The following SLC71A2 variants were observed in gnomAD, a reference collection of about 807,000 sequenced individuals.
The protein encoded by SLC71A2 is hippocampus abundant transcript-like 1.
At chr9:94,410,183 A>G in the SLC71A2 span, among the ~76,000 whole-genome samples, 9 of 151,076 alleles carry the variant, frequency 6.0e-5, no homozygotes, top group African/African-American at 2.2e-4. Context: ...GTAGCCTTAA[A>G]CTCCTGCACT....
the SLC71A2 span, among the ~76,000 whole-genome samples, chr9:94,399,608 A>G: frequency 0.1 from 15,797 of 152,184 alleles, 1,473 homozygotes; most frequent in East Asian, 0.35. Context: ...GGCTTCCACC[A>G]TCTGCCATCC....
the SLC71A2 span, among the ~76,000 whole-genome samples, chr9:94,418,008 C>G: frequency 6.6e-6 from 1 of 151,920 alleles, no homozygotes; most frequent in East Asian, 1.9e-4. Flanking sequence ...AGGCTTGTGC[C>G]ACCACGCCCG....
the SLC71A2 span, chr9:94,440,874 C>T: frequency 3.4e-6 from 2 of 592,652 alleles, no homozygotes; most frequent in Non-Finnish European, 6.0e-6. Flanking sequence ...CATACATATA[C>T]AAGTATACTT....
the SLC71A2 span, among the ~76,000 whole-genome samples, chr9:94,409,048 TG>T: frequency 6.6e-6 from 1 of 151,320 alleles, no homozygotes; most frequent in Non-Finnish European, 1.5e-5. Context: ...TTAGCCAGGA[TG>T]GTCTCGACCT....
chr9:94,419,155 C>G, the SLC71A2 span, among the ~76,000 whole-genome samples: 2 of 151,696 alleles, frequency 1.3e-5, no homozygotes, highest in South Asian at 4.2e-4. Context: ...GCCCTGTTGC[C>G]TAGGCTGAAA....
At chr9:94,421,458 T>C in the SLC71A2 span, among the ~76,000 whole-genome samples, 2 of 152,190 alleles carry the variant, frequency 1.3e-5, no homozygotes, top group African/African-American at 4.8e-5. Context: ...ATGTATACTC[T>C]TTGTTGTCTG....
At chr9:94,436,024 T>G in the SLC71A2 span, among the ~76,000 whole-genome samples, 1 of 152,218 alleles carries the variant, frequency 6.6e-6, no homozygotes, top group South Asian at 2.1e-4. Flanking sequence ...TTCTACCTGT[T>G]AGGCCACTCA....
chr9:94,431,202 A>G, the SLC71A2 span, among the ~76,000 whole-genome samples: 6 of 152,064 alleles, frequency 3.9e-5, no homozygotes, highest in Non-Finnish European at 7.4e-5. Flanking sequence ...AGTCCCAGCT[A>G]CTGGGGAGGC....
chr9:94,459,457 A>G, the SLC71A2 span: 1 of 1,605,278 alleles, frequency 6.2e-7, no homozygotes, highest in East Asian at 2.2e-5. Flanking sequence ...TCTGAGAGCC[A>G]TGGAGGGAGC....
the SLC71A2 span, among the ~76,000 whole-genome samples, chr9:94,400,097 A>G: frequency 6.6e-6 from 1 of 152,054 alleles, no homozygotes; most frequent in African/African-American, 2.4e-5. Flanking sequence ...ACCCAGAGCC[A>G]CTGCGCCCGG....
the SLC71A2 span, among the ~76,000 whole-genome samples, chr9:94,405,286 G>A: frequency 6.6e-6 from 1 of 152,090 alleles, no homozygotes; most frequent in African/African-American, 2.4e-5. Flanking sequence ...ACGAGGTCAG[G>A]AGATCGAGAC....
At chr9:94,448,757 C>T in the SLC71A2 span, among the ~76,000 whole-genome samples, 1 of 152,114 alleles carries the variant, frequency 6.6e-6, no homozygotes, top group Non-Finnish European at 1.5e-5. Flanking sequence ...CTCAGCCTGC[C>T]AAGCAGCTGG....
the SLC71A2 span, among the ~76,000 whole-genome samples, chr9:94,419,380 G>A: frequency 3.4e-5 from 5 of 148,002 alleles, no homozygotes; most frequent in South Asian, 2.1e-4. Context: ...TGCAACTTCC[G>A]CCTCCTGGAT....
At chr9:94,385,207 G>A in the SLC71A2 span, among the ~76,000 whole-genome samples, 6 of 152,252 alleles carry the variant, frequency 3.9e-5, no homozygotes, top group South Asian at 2.1e-4. Flanking sequence ...TGCTGATTGC[G>A]TCCTTTGATG....
chr9:94,458,396 T>C, the SLC71A2 span: 1 of 1,614,122 alleles, frequency 6.2e-7, no homozygotes, highest in Non-Finnish European at 8.5e-7. Flanking sequence ...TGGCTTCATA[T>C]TCTACATGTT....
the SLC71A2 span, chr9:94,441,100 GTAAGA>G: frequency 6.6e-7 from 1 of 1,512,808 alleles, no homozygotes; most frequent in Non-Finnish European, 9.1e-7. Context: ...TTATGGATGG[GTAAGA>G]TAATAGACTA....
chr9:94,392,700 C>T, the SLC71A2 span, among the ~76,000 whole-genome samples: 1 of 152,114 alleles, frequency 6.6e-6, no homozygotes, highest in African/African-American at 2.4e-5. Context: ...GGGGTTTCAC[C>T]ATGTTGGCCA....
chr9:94,380,899 C>G, the SLC71A2 span, among the ~76,000 whole-genome samples: 1 of 104,706 alleles, frequency 9.6e-6, no homozygotes, highest in Non-Finnish European at 2.0e-5. Context: ...TATCTATACA[C>G]CTGTGAAACC....
the SLC71A2 span, among the ~76,000 whole-genome samples, chr9:94,424,694 T>C: frequency 1.3e-5 from 2 of 150,586 alleles, no homozygotes; most frequent in East Asian, 3.9e-4. Flanking sequence ...TGACTATAGA[T>C]TGATTGTGGA....
Sources: allele counts gnomAD v4.1 joint callset (sites outside exome capture counted in the v4.1 genomes callset), GRCh38; gene constraint gnomAD v4.1.1; transcripts MANE v1.5; gene names NCBI Gene and HGNC (gene_info 2026-07-23, HGNC 2026-07-21).